The following SYT2 variants were observed in gnomAD, a reference collection of about 807,000 sequenced individuals.
The protein encoded by SYT2 is synaptotagmin 2.
SYT2 carries 15 observed loss-of-function variants against 39.9 expected under a neutral mutation model. The ratio of observed to expected loss-of-function variants is 0.38; its 90% CI spans 0.25 to 0.58. SYT2 has a LOEUF of 0.58. SYT2 is among the 20% of genes least tolerant of loss of function. The pLI, the probability that SYT2 is intolerant of heterozygous loss-of-function variation, is 0.70. For synonymous variants in SYT2, 181 were observed against 204.5 expected (o/e 0.89, Z 0.98); for missense variants, 389 against 530.3 (o/e 0.73, Z 2.62).
intron 1 of SYT2, among the ~76,000 whole-genome samples, chr1:202,665,283 T>C (rs1452217280): frequency 1.3e-5 from 2 of 152,322 alleles, no homozygotes; most frequent in African/African-American, 4.8e-5. Flanking sequence ...CTTAGGTATG[T>C]CTTGTTTAGG....
chr1:202,593,979 T>A lies in SYT2; in HGVS notation c.*2778A>T, dbSNP rs1161672542. Reference sequence around the variant, plus strand: ...AAATAAACCTGCCCAGCAGTGAGTGTTTGGCATGATGCCCTGTGGTTTAAG... The same window carrying A: ...AAATAAACCTGCCCAGCAGTGAGTGATTGGCATGATGCCCTGTGGTTTAAG... On this transcript the variant is annotated 3_prime_UTR_variant, in exon 9 of 9. Transcript: ENST00000367268. 1 of 152,316 alleles carries A rather than the reference T, an allele frequency of 6.6e-6. No homozygotes were observed. The highest frequency in any genetic ancestry group is 2.4e-5 in the African/African-American group (1 of 41,406). 9.4% of individuals were successfully genotyped at this position (152,316 alleles called of 1,614,324 possible).
At chr1:202,670,629 C>T (rs942092354) in intron 1 of SYT2, among the ~76,000 whole-genome samples, 20 of 152,208 alleles carry the variant, frequency 1.3e-4, no homozygotes, top group African/African-American at 4.3e-4. Flanking sequence ...TTGCTGTGAG[C>T]ATAACATGGC....
chr1:202,615,565 C>T (rs562342763), intron 1 of SYT2, among the ~76,000 whole-genome samples: 3 of 152,334 alleles, frequency 2.0e-5, no homozygotes, highest in Admixed American at 2.0e-4. Flanking sequence ...CTGATCTCCA[C>T]ACTGCAGCCA....
At chr1:202,622,360 G>A (rs1264836976) in intron 1 of SYT2, among the ~76,000 whole-genome samples, 2 of 152,088 alleles carry the variant, frequency 1.3e-5, no homozygotes, top group Admixed American at 6.5e-5. Context: ...AGCCTTCTTG[G>A]TCAGTGCATG....
intron 1 of SYT2, among the ~76,000 whole-genome samples, chr1:202,616,897 C>T (rs895465837): frequency 2.6e-5 from 4 of 152,234 alleles, no homozygotes; most frequent in Admixed American, 1.3e-4. Flanking sequence ...GTCAACTGGC[C>T]CCCGACATAG....
intron 1 of SYT2, among the ~76,000 whole-genome samples, chr1:202,645,038 C>T (rs1692050956): frequency 1.3e-5 from 2 of 152,140 alleles, no homozygotes; most frequent in African/African-American, 4.8e-5. Context: ...ATCTGCATAC[C>T]TGGGTGTTGG....
chr1:202,598,556 AAAG>A (rs753912540), intron 8 of SYT2, among the ~76,000 whole-genome samples: 9 of 151,838 alleles, frequency 5.9e-5, no homozygotes, highest in Non-Finnish European at 1.2e-4. Flanking sequence ...AGCTCACTAC[AAAG>A]AAGGAGAGAC....
chr1:202,661,060 G>A (rs1692369081), intron 1 of SYT2, among the ~76,000 whole-genome samples: 1 of 152,084 alleles, frequency 6.6e-6, no homozygotes, highest in Non-Finnish European at 1.5e-5. Flanking sequence ...AGGTGCTGGG[G>A]ACAGAGCACT....
At chr1:202,602,914 T>C in intron 4 of SYT2, 85 bp downstream of exon 4, 2 of 1,515,644 alleles carry the variant, frequency 1.3e-6, no homozygotes, top group Non-Finnish European at 1.8e-6. Flanking sequence ...CACACATCTC[T>C]GAGGGAGCTG....
At chr1:202,646,263 GCAGGGCCCAAA>G (rs1004367847) in intron 1 of SYT2, among the ~76,000 whole-genome samples, 46 of 152,216 alleles carry the variant, frequency 3.0e-4, no homozygotes, top group African/African-American at 8.4e-4. Flanking sequence ...CTGTCTCCTT[GCAGGGCCCAAA>G]GGGCCATGCT....
chr1:202,641,195 G>C (rs1691908090), intron 1 of SYT2, among the ~76,000 whole-genome samples: 1 of 152,242 alleles, frequency 6.6e-6, no homozygotes, highest in Admixed American at 6.5e-5. Flanking sequence ...TCCCCCTCCA[G>C]GGGTGTGCCT....
intron 1 of SYT2, among the ~76,000 whole-genome samples, chr1:202,691,665 G>A (rs868445579): frequency 7.0e-5 from 10 of 141,866 alleles, no homozygotes; most frequent in South Asian, 2.4e-4. Flanking sequence ...GGGAGGGAGC[G>A]AGAGGGGGAG....
At position 202,596,603 on chromosome 1, in the gene SYT2, G is replaced by T; in HGVS notation, c.*154C>A. 1.4e-6 allele frequency: 1 copy of T among 699,434 alleles called. No individual in the cohort carries two copies. Among genetic ancestry groups the T allele is most frequent in the African/African-American group, 1.9e-5 (1 of 52,226 alleles). 43.3% of individuals were successfully genotyped at this position (699,434 alleles called of 1,614,324 possible). ...CTCACACAGCCATCAAAGGGAAGTTGGTCTTTAAAAAGAGAAAAACAAGGA... is the reference window on the plus strand; with the variant it reads ...CTCACACAGCCATCAAAGGGAAGTTTGTCTTTAAAAAGAGAAAAACAAGGA... On this transcript the variant is annotated 3_prime_UTR_variant, in exon 9 of 9. Coordinates refer to ENST00000367268, the MANE Select transcript of SYT2 (RefSeq NM_177402.5).
intron 1 of SYT2, among the ~76,000 whole-genome samples, chr1:202,685,578 C>T (rs1221575447): frequency 6.6e-6 from 1 of 152,150 alleles, no homozygotes; most frequent in African/African-American, 2.4e-5. Flanking sequence ...CACCGCATCA[C>T]CCCACCTCAC....
In SYT2 at chr1:202,640,722, G is replaced by T. The variant is rs146903636; in HGVS notation, c.-17-34933C>A. Among the ~76,000 whole-genome samples, 67 of 145,130 alleles carry T rather than the reference G, an allele frequency of 4.6e-4. 1 individual carries two copies. In the East Asian group the frequency reaches 0.013, roughly 28 times the overall value. On this transcript the variant is annotated intron_variant, in intron 1 of 8. Transcript: ENST00000367268. ...TCCCATGAAGTTTCTACTGCAGAAT[G>T]GTCCTAATGGTCAGAGAGAGAGAGA...
intron 1 of SYT2, among the ~76,000 whole-genome samples, chr1:202,641,877 A>C (rs1691925991): frequency 6.6e-6 from 1 of 152,220 alleles, no homozygotes. Context: ...AATGCTGGAA[A>C]GCCGGCCTTT....
At chr1:202,656,727 A>G (rs1572661554) in intron 1 of SYT2, among the ~76,000 whole-genome samples, 1 of 152,198 alleles carries the variant, frequency 6.6e-6, no homozygotes, top group Non-Finnish European at 1.5e-5. Context: ...GTTTTCACTT[A>G]GCTATCCCCA....
intron 1 of SYT2, among the ~76,000 whole-genome samples, chr1:202,635,872 G>A (rs1159425803): frequency 2.0e-5 from 3 of 152,232 alleles, no homozygotes; most frequent in South Asian, 4.1e-4. Flanking sequence ...AAGGAGGCAA[G>A]AGGAGGAAGC....
At chr1:202,686,864 C>T (rs2149115226) in intron 1 of SYT2, among the ~76,000 whole-genome samples, 1 of 152,188 alleles carries the variant, frequency 6.6e-6, no homozygotes, top group Non-Finnish European at 1.5e-5. Context: ...ATTCCTTCTG[C>T]TTGAAACATG....
Sources: gnomAD v4.1 joint callset for allele counts (sites outside exome capture counted in the v4.1 genomes callset) on GRCh38, gnomAD v4.1.1 for gene constraint, MANE v1.5 for transcripts, NCBI Gene and HGNC (gene_info 2026-07-23, HGNC 2026-07-21) for gene names.